Variants in COG5 observed in about 807,000 individuals in gnomAD.
The protein encoded by COG5 is component of oligomeric golgi complex 5, also known as conserved oligomeric Golgi complex subunit 5.
COG5 carries 86 observed loss-of-function variants against 110.4 expected under a neutral mutation model. The observed-to-expected ratio is 0.78, with a 90% CI of 0.65 to 0.93. COG5 has a LOEUF of 0.93. COG5 is among the 40% of genes least tolerant of loss of function. The pLI is 0.00. For synonymous variants in COG5, 360 were observed against 334.6 expected (o/e 1.08, Z -0.83); for missense variants, 1,077 against 987.0 (o/e 1.09, Z -1.22).
At chr7:107,450,680 T>C (rs1795280448) in intron 6 of COG5, among the ~76,000 whole-genome samples, 1 of 152,230 alleles carries the variant, frequency 6.6e-6, no homozygotes, top group South Asian at 2.1e-4. Context: ...GTTGGGCTTA[T>C]GATCAGGAGG....
chr7:107,239,962 G>A (rs1801486370), intron 17 of COG5, among the ~76,000 whole-genome samples: 1 of 152,162 alleles, frequency 6.6e-6, no homozygotes, highest in African/African-American at 2.4e-5. Flanking sequence ...TTGTGTGAGT[G>A]CTCTCCCTTC....
chr7:107,447,981 C>T (rs944435344), intron 6 of COG5, among the ~76,000 whole-genome samples: 6 of 152,072 alleles, frequency 3.9e-5, no homozygotes, highest in Admixed American at 6.5e-5. Flanking sequence ...TATGGTGAAA[C>T]CCCATCTCTA....
chr7:107,264,774 A>G (rs1456863772), intron 14 of COG5, among the ~76,000 whole-genome samples: 2 of 152,144 alleles, frequency 1.3e-5, no homozygotes, highest in African/African-American at 2.4e-5. Context: ...CACAAAGATT[A>G]TATTTATAAA....
intron 6 of COG5, among the ~76,000 whole-genome samples, chr7:107,416,324 G>A (rs1792843297): frequency 6.6e-6 from 1 of 151,806 alleles, no homozygotes; most frequent in Non-Finnish European, 1.5e-5. Flanking sequence ...ACAAATGACA[G>A]GTATGTACAT....
chr7:107,380,212 GA>G (rs1584751586), intron 7 of COG5, among the ~76,000 whole-genome samples: 1 of 152,076 alleles, frequency 6.6e-6, no homozygotes, highest in Non-Finnish European at 1.5e-5. Context: ...GAGAAAGAGA[GA>G]AAGATCTAAA....
At chr7:107,374,213 A>G (rs1814436207) in intron 7 of COG5, among the ~76,000 whole-genome samples, 1 of 152,118 alleles carries the variant, frequency 6.6e-6, no homozygotes, top group African/African-American at 2.4e-5. Context: ...CAAGGGGTAT[A>G]GCATTTGCTT....
chr7:107,252,859 C>T (rs915304143), intron 16 of COG5, among the ~76,000 whole-genome samples: 1 of 151,970 alleles, frequency 6.6e-6, no homozygotes, highest in Non-Finnish European at 1.5e-5. Flanking sequence ...AAACTTAACA[C>T]CATTAATAAT....
intron 5 of COG5, among the ~76,000 whole-genome samples, chr7:107,531,318 A>G (rs994888769): frequency 2.0e-5 from 3 of 152,156 alleles, no homozygotes; most frequent in African/African-American, 4.8e-5. Flanking sequence ...GCAAGATTAA[A>G]CATTAGAGGG....
At chr7:107,254,332 T>C (rs547781840) in intron 16 of COG5, among the ~76,000 whole-genome samples, 3 of 152,298 alleles carry the variant, frequency 2.0e-5, no homozygotes, top group Admixed American at 1.3e-4. Flanking sequence ...AAGTGACTTA[T>C]TAAATTTCCA....
rs1040309709 is a variant in COG5, at chr7:107,495,697, G to A, written c.538+31540C>T. On this transcript the variant is annotated intron_variant, in intron 6 of 21. Coordinates refer to ENST00000297135, the MANE Select transcript of COG5 (RefSeq NM_006348.5). ...AGTAATTCAACACTAAGTAGACTGT[G>A]GTAATTAAAGATGCATGTTGCAATC... 2.6e-5 allele frequency among the ~76,000 whole-genome samples: 4 copies of A among 152,070 alleles called. No individual in the cohort carries two copies. The South Asian group carries it at 8.3e-4, about 32-fold the overall frequency.
intron 6 of COG5, among the ~76,000 whole-genome samples, chr7:107,479,896 A>T (rs1172322647): frequency 6.6e-6 from 1 of 152,190 alleles, no homozygotes; most frequent in Admixed American, 6.6e-5. Flanking sequence ...CTATAAAAAT[A>T]CACAGTGAGA....
chr7:107,350,624 A>G (rs1584714239), intron 10 of COG5, among the ~76,000 whole-genome samples: 1 of 152,180 alleles, frequency 6.6e-6, no homozygotes, highest in African/African-American at 2.4e-5. Flanking sequence ...CTGTGAGCTT[A>G]TATTTGTCTA....
intron 6 of COG5, among the ~76,000 whole-genome samples, chr7:107,426,719 T>A (rs755679028): frequency 1.1e-4 from 17 of 152,174 alleles, no homozygotes; most frequent in Non-Finnish European, 2.1e-4. Flanking sequence ...GGGGGAGACA[T>A]AAACATTCTG....
chr7:107,370,293 A>G (rs941287417), intron 8 of COG5, among the ~76,000 whole-genome samples: 5 of 152,130 alleles, frequency 3.3e-5, no homozygotes, highest in African/African-American at 1.2e-4. Context: ...ATTTTGAAAT[A>G]ATCTTACACT....
chr7:107,292,554 C>G (rs1806262257), intron 12 of COG5, among the ~76,000 whole-genome samples: 1 of 152,170 alleles, frequency 6.6e-6, no homozygotes, highest in East Asian at 1.9e-4. Flanking sequence ...TAACAAAAGC[C>G]TACCAAGAGT....
chr7:107,404,880 A>G (rs1276731940), intron 7 of COG5, among the ~76,000 whole-genome samples: 2 of 147,368 alleles, frequency 1.4e-5, no homozygotes, highest in African/African-American at 5.2e-5. Flanking sequence ...GTAATTTCAG[A>G]AGATGAAAAA....
rs899657746 is a variant in COG5, at chr7:107,492,255, A to C, written c.538+34982T>G. On this transcript the variant is annotated intron_variant, in intron 6 of 21. Coordinates refer to ENST00000297135, the MANE Select transcript of COG5 (RefSeq NM_006348.5). ...TAATGTCTTTCTAGAGAAGAGCTTC[A>C]AAAATCATTCTTCTTCCTCCAAAAC... Among the ~76,000 whole-genome samples, 10 of 151,432 alleles carry C rather than the reference A, an allele frequency of 6.6e-5. 1 individual carries two copies. Among genetic ancestry groups the C allele is most frequent in the Admixed American group, 6.0e-4 (9 of 15,106 alleles).
chr7:107,395,268 T>C lies in COG5; in HGVS notation c.669+17234A>G, dbSNP rs1328228130. 5.3e-5 allele frequency among the ~76,000 whole-genome samples: 8 copies of C among 150,944 alleles called. No homozygotes were observed. In the South Asian group the frequency reaches 1.3e-3, roughly 24 times the overall value. On this transcript the variant is annotated intron_variant, in intron 7 of 21. Coordinates refer to ENST00000297135, the MANE Select transcript of COG5 (RefSeq NM_006348.5). ...GGAAAGGGTGGGGTGGAAAGAAAAG[T>C]GGGGAGAAAGAGAGGGAGAATGAAG... is the stretch of plus-strand genomic sequence containing the variant.
chr7:107,494,305 T>C lies in COG5; in HGVS notation c.538+32932A>G, dbSNP rs181419676. On this transcript the variant is annotated intron_variant, in intron 6 of 21. Transcript: ENST00000297135. ...AATGGCAGAGTGAACTGGTCAGGCA[T>C]AGTTTCCAGCAGATAAGCTCTAAAC... 1.0e-3 allele frequency among the ~76,000 whole-genome samples: 156 copies of C among 152,278 alleles called. 1 individual carries two copies. The highest frequency in any genetic ancestry group is 2.1e-3 in the South Asian group (10 of 4,826).
Sources: allele counts gnomAD v4.1 joint callset (sites outside exome capture counted in the v4.1 genomes callset), GRCh38; gene constraint gnomAD v4.1.1; transcripts MANE v1.5; gene names NCBI Gene and HGNC (gene_info 2026-07-23, HGNC 2026-07-21).